The following SPTBN1 variants were observed in gnomAD, a reference collection of about 807,000 sequenced individuals.
SPTBN1 encodes the protein spectrin beta chain, non-erythrocytic 1.
SPTBN1 carries 32 observed loss-of-function variants against 266.4 expected under a neutral mutation model. The observed-to-expected ratio is 0.12, with a 90% CI of 0.09 to 0.16. SPTBN1 has a LOEUF of 0.16. SPTBN1 is among the 10% of genes least tolerant of loss of function. The pLI is 1.00. For synonymous variants in SPTBN1, 1,336 were observed against 1,162.2 expected (o/e 1.15, Z -3.04); for missense variants, 2,296 against 3,067.1 (o/e 0.75, Z 5.94).
At chr2:54,630,663 T>C (rs1678669646) in intron 15 of SPTBN1, among the ~76,000 whole-genome samples, 192 bp from the exon 16 acceptor site, 1 of 152,224 alleles carries the variant, frequency 6.6e-6, no homozygotes, top group Admixed American at 6.5e-5. Context: ...CCAGATTACA[T>C]TGCATCCCTG....
intron 2 of SPTBN1, among the ~76,000 whole-genome samples, chr2:54,580,993 G>T (rs1674857412): frequency 6.6e-6 from 1 of 151,942 alleles, no homozygotes; most frequent in Non-Finnish European, 1.5e-5. Context: ...AGCTACTTGG[G>T]TGGCTGAGGC....
chr2:54,639,553 C>T (rs147749628), intron 18 of SPTBN1, among the ~76,000 whole-genome samples: 1 of 152,214 alleles, frequency 6.6e-6, no homozygotes, highest in African/African-American at 2.4e-5. Flanking sequence ...TTGAGAGAAA[C>T]CTATTTGTAT....
chr2:54,534,966 C>G (rs1573362468), intron 2 of SPTBN1: 1 of 152,218 alleles, frequency 6.6e-6, no homozygotes, highest in African/African-American at 2.4e-5. Flanking sequence ...GTCTCCTGTT[C>G]CACCCCTAGC....
At chr2:54,550,081 T>C (rs1368417331) in intron 2 of SPTBN1, among the ~76,000 whole-genome samples, 1 of 152,238 alleles carries the variant, frequency 6.6e-6, no homozygotes, top group Non-Finnish European at 1.5e-5. Context: ...ACTTTGATCC[T>C]GCCAGAAATT....
chr2:54,533,637 G>A lies in SPTBN1; in HGVS notation c.148+7071G>A, dbSNP rs1448613378. 1.3e-5 allele frequency among the ~76,000 whole-genome samples: 2 copies of A among 152,070 alleles called. No homozygotes were observed. Among genetic ancestry groups the A allele is most frequent in the Non-Finnish European group, 2.9e-5 (2 of 68,002 alleles). On this transcript the variant is annotated intron_variant, in intron 2 of 35. Transcript: ENST00000356805. The surrounding 1 kb of genome is among the most constrained non-coding windows in gnomAD (Gnocchi z 4.2). ...GCGATCTTGGCTCACTGCAACCTCC[G>A]CCTCCTGGGTCCAAGTGATTCTCCT... is the stretch of plus-strand genomic sequence containing the variant.
chr2:54,574,822 CTT>C (rs1466204441), intron 2 of SPTBN1, among the ~76,000 whole-genome samples: 3 of 152,312 alleles, frequency 2.0e-5, no homozygotes, highest in African/African-American at 4.8e-5. Flanking sequence ...TCAAACATGA[CTT>C]TTTGAAAAAG....
At chr2:54,470,928 T>G (rs12988330) in intron 1 of SPTBN1, among the ~76,000 whole-genome samples, 23,180 of 152,222 alleles carry the variant, frequency 0.15, 1,850 homozygotes, top group Middle Eastern at 0.17. Flanking sequence ...TTTGTAAACT[T>G]TCTTAAAACA....
chr2:54,622,254 T>C lies in SPTBN1; in HGVS notation c.877-46T>C, dbSNP rs745464493. ...TATAGGGTTACAATCGTATTTAACT[T>C]ATGGAGTGACATGATCTTTTCAATT... On this transcript the variant is annotated intron_variant, in intron 8 of 35. Coordinates refer to ENST00000356805, the MANE Select transcript of SPTBN1 (RefSeq NM_003128.3). The C allele has an allele frequency of 1.3e-5, 21 of 1,595,870 alleles. No homozygotes were observed. The Admixed American group carries it at 3.4e-4, about 26-fold the overall frequency.
chr2:54,607,652 TGGGA>T (rs1270104581), intron 3 of SPTBN1, among the ~76,000 whole-genome samples: 1 of 152,102 alleles, frequency 6.6e-6, no homozygotes, highest in African/African-American at 2.4e-5. Context: ...TTAAAGTAGA[TGGGA>T]GGATGTGCAT....
In SPTBN1 at chr2:54,644,573, T is replaced by C; in HGVS notation, c.4256T>C (p.Leu1419Pro). 1 of 1,602,924 alleles carries C rather than the reference T, an allele frequency of 6.2e-7. No individual in the cohort carries two copies. The highest frequency in any genetic ancestry group is 8.5e-7 in the Non-Finnish European group (1 of 1,171,232). The change falls in exon 20 of 36, where the codon CTG becomes CCG. Residue 1419 changes from leucine to proline, a missense_variant. By Grantham distance (98) the Leu-to-Pro change is moderately conservative. Transcript: ENST00000356805. ...GKDLTSVNIL[L>P]KKQQMLENQM... is the part of the protein sequence containing the mutation. ...GACCTGACCAGTGTCAATATCCTGC[T>C]GAAAAAGCAACAGGCAAGTGGACAA...
Position 54,658,071 on chromosome 2 carries a change from C to T in SPTBN1, c.6243+25C>T, listed in dbSNP as rs1680792465. The T allele has an allele frequency of 3.7e-6, 6 of 1,613,628 alleles. No individual in the cohort carries two copies. In the East Asian group the frequency reaches 1.3e-4, roughly 36 times the overall value. On this transcript the variant is annotated intron_variant, in intron 30 of 35. Transcript: ENST00000356805. ...AGTAAGTGGCCGCTGGGCCCTTTGT[C>T]TGTTGGTGCCCTGGGCAGCCTTTTC... is the stretch of plus-strand genomic sequence containing the variant.
chr2:54,618,923 C>A (rs1443140480), intron 7 of SPTBN1, among the ~76,000 whole-genome samples: 1 of 152,160 alleles, frequency 6.6e-6, no homozygotes, highest in African/African-American at 2.4e-5. Context: ...TGGAGCAGTT[C>A]CCCAGGTTGT....
At chr2:54,485,804 G>T (rs1668340477) in intron 1 of SPTBN1, among the ~76,000 whole-genome samples, 2 of 149,258 alleles carry the variant, frequency 1.3e-5, no homozygotes, top group Admixed American at 6.7e-5. Context: ...CTGCCCGGCC[G>T]CCCGTCGTCT....
intron 2 of SPTBN1, among the ~76,000 whole-genome samples, chr2:54,595,553 C>T (rs560584911): frequency 1.3e-5 from 2 of 152,396 alleles, no homozygotes; most frequent in Admixed American, 6.5e-5. Flanking sequence ...ACCCAGCCCG[C>T]CCCAGCTCCA....
intron 3 of SPTBN1, among the ~76,000 whole-genome samples, chr2:54,601,366 G>C (rs1416374060): frequency 6.6e-6 from 1 of 152,100 alleles, no homozygotes; most frequent in Non-Finnish European, 1.5e-5. Context: ...CTTTGGCCTC[G>C]TAGTCTGTTT....
intron 1 of SPTBN1, among the ~76,000 whole-genome samples, chr2:54,468,409 T>C (rs941593129): frequency 6.6e-6 from 1 of 152,166 alleles, no homozygotes; most frequent in Non-Finnish European, 1.5e-5. Flanking sequence ...GCCTTTTTTT[T>C]CTGTGCATGT....
At chr2:54,634,072 T>G (rs957815282) in intron 17 of SPTBN1, among the ~76,000 whole-genome samples, 9 of 152,188 alleles carry the variant, frequency 5.9e-5, no homozygotes, top group African/African-American at 2.2e-4. Context: ...AAAAAGAATT[T>G]CCTTTTTTTG....
Position 54,558,528 on chromosome 2 carries a change from G to A in SPTBN1, c.148+31962G>A, listed in dbSNP as rs1673038359. The A allele has an allele frequency of 1.2e-4, 155 of 1,252,130 alleles. No individual in the cohort carries two copies. Among genetic ancestry groups the A allele is most frequent in the Non-Finnish European group, 1.5e-4 (151 of 994,800 alleles). The allele number at this position is 1,252,130 out of a possible 1,614,324, so 77.6% of individuals were successfully genotyped here. ...CCTCCTCCTCAGTAATTTATTTCGA[G>A]CTTCCAGGCAAGGGCCACGGAAGAA... On this transcript the variant is annotated intron_variant, in intron 2 of 35. Transcript: ENST00000356805. This position sits in a 1 kb window ranked among gnomAD's most constrained non-coding sequence, Gnocchi z 4.6.
chr2:54,538,855 G>A (rs2104387807), intron 2 of SPTBN1, among the ~76,000 whole-genome samples: 2 of 152,316 alleles, frequency 1.3e-5, no homozygotes, highest in East Asian at 3.9e-4. Context: ...CAGATGGACT[G>A]AAGTCGGAGA....
Sources: allele counts gnomAD v4.1 joint callset (sites outside exome capture counted in the v4.1 genomes callset), GRCh38; gene constraint gnomAD v4.1.1; non-coding constraint Gnocchi (gnomAD v3.1); transcripts MANE v1.5; gene names NCBI Gene and HGNC (gene_info 2026-07-23, HGNC 2026-07-21).